ATOSA: variants seen among roughly 807,000 people sequenced by gnomAD.
ATOSA encodes the protein atos homolog protein A.
chr15:52,633,764 T>C, the ATOSA span, among the ~76,000 whole-genome samples: 16 of 152,174 alleles, frequency 1.1e-4, no homozygotes, highest in Admixed American at 5.9e-4. Flanking sequence ...AAATAACATC[T>C]GAGAATCTAT....
chr15:52,708,281 T>C, the ATOSA span, among the ~76,000 whole-genome samples: 1 of 152,118 alleles, frequency 6.6e-6, no homozygotes, highest in Non-Finnish European at 1.5e-5. Context: ...AGAGGGACTT[T>C]CCTTCAGGTT....
chr15:52,581,732 C>T, the ATOSA span: 1 of 154,030 alleles, frequency 6.5e-6, no homozygotes, highest in Non-Finnish European at 1.4e-5. Context: ...TAACACATTA[C>T]ACAAAATTAA....
the ATOSA span, among the ~76,000 whole-genome samples, chr15:52,661,931 C>CAA: frequency 0.054 from 3,802 of 70,524 alleles, 167 homozygotes; most frequent in African/African-American, 0.088. Context: ...CAAGCCAGGC[C>CAA]AAAAAAAAAA....
the ATOSA span, chr15:52,652,196 CA>C: frequency 1.4e-6 from 1 of 692,230 alleles, no homozygotes; most frequent in Non-Finnish European, 2.0e-6. Context: ...GCTCGTCTTA[CA>C]AACTCAGCTG....
chr15:52,682,445 C>G, the ATOSA span, among the ~76,000 whole-genome samples: 1 of 152,106 alleles, frequency 6.6e-6, no homozygotes, highest in Admixed American at 6.5e-5. Context: ...GTAGAAGACA[C>G]ACAGGGAAGA....
chr15:52,599,084 TA>T, the ATOSA span, among the ~76,000 whole-genome samples: 1 of 152,232 alleles, frequency 6.6e-6, no homozygotes, highest in African/African-American at 2.4e-5. Context: ...CTTTTCTTTA[TA>T]AATTATCCAG....
At chr15:52,589,469 C>A in the ATOSA span, among the ~76,000 whole-genome samples, 1 of 152,030 alleles carries the variant, frequency 6.6e-6, no homozygotes, top group Admixed American at 6.5e-5. Context: ...CAACTACTAC[C>A]AAGTTTATAC....
the ATOSA span, among the ~76,000 whole-genome samples, chr15:52,701,930 T>A: frequency 6.6e-6 from 1 of 151,770 alleles, no homozygotes; most frequent in Admixed American, 6.6e-5. Flanking sequence ...CAAGACCCCA[T>A]CTCAACTAAA....
At chr15:52,606,037 T>TTG in the ATOSA span, among the ~76,000 whole-genome samples, 70 of 152,238 alleles carry the variant, frequency 4.6e-4, 1 homozygote, top group African/African-American at 1.4e-3. Context: ...AAGTATCTTA[T>TTG]TGTACTGTAC....
the ATOSA span, among the ~76,000 whole-genome samples, chr15:52,612,995 T>C: frequency 6.6e-6 from 1 of 151,048 alleles, no homozygotes; most frequent in African/African-American, 2.4e-5. Flanking sequence ...AATTGGTTAA[T>C]GCAGGGAAAA....
the ATOSA span, among the ~76,000 whole-genome samples, chr15:52,597,959 A>G: frequency 1.3e-5 from 2 of 152,088 alleles, no homozygotes; most frequent in Non-Finnish European, 2.9e-5. Context: ...ACTCGTCTCT[A>G]CTGAAAATAC....
chr15:52,668,222 C>A, the ATOSA span, among the ~76,000 whole-genome samples: 1 of 152,160 alleles, frequency 6.6e-6, no homozygotes, highest in South Asian at 2.1e-4. Context: ...TACTATAGAG[C>A]CACAAAAGGA....
At chr15:52,616,274 T>G in the ATOSA span, among the ~76,000 whole-genome samples, 2 of 152,190 alleles carry the variant, frequency 1.3e-5, no homozygotes, top group African/African-American at 4.8e-5. Context: ...TGAGGAAGGG[T>G]TCTACGGTAG....
At chr15:52,595,740 AACAATTG>A in the ATOSA span, among the ~76,000 whole-genome samples, 1 of 152,206 alleles carries the variant, frequency 6.6e-6, no homozygotes, top group Admixed American at 6.5e-5. Flanking sequence ...ACTAGCAATG[AACAATTG>A]ACAATTAATT....
At chr15:52,633,702 T>C in the ATOSA span, among the ~76,000 whole-genome samples, 14 of 152,176 alleles carry the variant, frequency 9.2e-5, no homozygotes, top group Non-Finnish European at 1.3e-4. Flanking sequence ...AAATCACTAT[T>C]AGCAGACCTT....
the ATOSA span, chr15:52,678,051 G>A: frequency 6.2e-7 from 1 of 1,613,928 alleles, no homozygotes; most frequent in Non-Finnish European, 8.5e-7. Flanking sequence ...CCAGAGTGCT[G>A]TGAAATGCAC....
chr15:52,609,618 T>C, the ATOSA span: 1 of 1,612,816 alleles, frequency 6.2e-7, no homozygotes, highest in African/African-American at 1.3e-5. Context: ...AACTAAACTC[T>C]GGACTACCAA....
At chr15:52,626,668 T>C in the ATOSA span, among the ~76,000 whole-genome samples, 1 of 152,046 alleles carries the variant, frequency 6.6e-6, no homozygotes, top group African/African-American at 2.4e-5. Flanking sequence ...CACAGCAACA[T>C]AATGGTAAAG....
the ATOSA span, chr15:52,657,129 T>G: frequency 6.6e-6 from 1 of 152,184 alleles, no homozygotes; most frequent in Non-Finnish European, 1.5e-5. Flanking sequence ...AGCCGTTGGG[T>G]TACCCTGTAA....
Sources: allele counts gnomAD v4.1 joint callset (sites outside exome capture counted in the v4.1 genomes callset), GRCh38; gene constraint gnomAD v4.1.1; transcripts MANE v1.5; gene names NCBI Gene and HGNC (gene_info 2026-07-23, HGNC 2026-07-21).